CNTNAP2: variants seen among roughly 807,000 people sequenced by gnomAD.
The protein encoded by CNTNAP2 is contactin associated protein 2.
CNTNAP2 carries 98 observed loss-of-function variants against 155.2 expected under a neutral mutation model. That is an observed-to-expected ratio of 0.63 (90% CI 0.54 to 0.75). The LOEUF (loss-of-function observed/expected upper bound fraction) is 0.75, where lower values mean the gene tolerates loss of function less well. Among genes scored for constraint, CNTNAP2 ranks in the 30% least tolerant of loss-of-function variants. The pLI is 0.00. For missense variants in CNTNAP2, 1,727 were observed against 1,688.1 expected (o/e 1.02, Z -0.40); for synonymous variants, 651 against 631.2 (o/e 1.03, Z -0.47).
intron 9 of CNTNAP2, among the ~76,000 whole-genome samples, chr7:147,348,000 C>A (rs1795906113): frequency 6.6e-6 from 1 of 151,912 alleles, no homozygotes; most frequent in Non-Finnish European, 1.5e-5. Flanking sequence ...TGAAACTAGA[C>A]CCCCACCTCA....
intron 2 of CNTNAP2, among the ~76,000 whole-genome samples, chr7:146,815,281 A>C (rs891401945): frequency 3.3e-5 from 5 of 152,194 alleles, no homozygotes; most frequent in Non-Finnish European, 7.4e-5. Flanking sequence ...ATAATCATAA[A>C]TCTAATATAT....
intron 14 of CNTNAP2, among the ~76,000 whole-genome samples, chr7:147,933,494 GAGATAGAT>G (rs71183037): frequency 0.045 from 5,484 of 120,686 alleles, 111 homozygotes; most frequent in African/African-American, 0.064. Flanking sequence ...CAGAAAATGT[GAGATAGAT>G]AGATAGATAG....
At chr7:146,235,204 C>A (rs1323956601) in intron 1 of CNTNAP2, among the ~76,000 whole-genome samples, 1 of 151,190 alleles carries the variant, frequency 6.6e-6, no homozygotes, top group Non-Finnish European at 1.5e-5. Context: ...GATAGTTTCA[C>A]TTATTTTTCC....
At chr7:147,272,138 C>G (rs535648988) in intron 8 of CNTNAP2, among the ~76,000 whole-genome samples, 112 of 152,234 alleles carry the variant, frequency 7.4e-4, no homozygotes, top group Middle Eastern at 3.4e-3. Flanking sequence ...GGTAATCTGC[C>G]TGCCTTGGCC....
intron 1 of CNTNAP2, among the ~76,000 whole-genome samples, chr7:146,183,592 A>C (rs1477686317): frequency 6.8e-6 from 1 of 146,930 alleles, no homozygotes; most frequent in East Asian, 2.0e-4. Flanking sequence ...CATCAGGAGA[A>C]TTTATCACCA....
At chr7:148,344,691 G>T (rs1280592221) in intron 21 of CNTNAP2, among the ~76,000 whole-genome samples, 1 of 152,206 alleles carries the variant, frequency 6.6e-6, no homozygotes, top group Non-Finnish European at 1.5e-5. Flanking sequence ...ATGATAGAAA[G>T]TGAGGAGGCA....
At chr7:146,760,579 C>G (rs1435370979) in intron 1 of CNTNAP2, among the ~76,000 whole-genome samples, 2 of 151,742 alleles carry the variant, frequency 1.3e-5, no homozygotes, top group African/African-American at 4.8e-5. Flanking sequence ...CACACACCAT[C>G]ACGCCTGGCT....
intron 12 of CNTNAP2, among the ~76,000 whole-genome samples, chr7:147,626,523 G>A (rs1794980887): frequency 6.6e-6 from 1 of 152,132 alleles, no homozygotes; most frequent in Non-Finnish European, 1.5e-5. Flanking sequence ...GCCCTGACCT[G>A]ATAGGATTTC....
intron 1 of CNTNAP2, among the ~76,000 whole-genome samples, chr7:146,756,968 A>G (rs994198953): frequency 1.3e-5 from 2 of 152,146 alleles, no homozygotes; most frequent in African/African-American, 4.8e-5. Context: ...CCACAGTTCA[A>G]TAACTCAGAA....
intron 13 of CNTNAP2, among the ~76,000 whole-genome samples, chr7:147,809,068 T>C (rs1270504448): frequency 1.3e-5 from 2 of 152,130 alleles, no homozygotes; most frequent in Non-Finnish European, 2.9e-5. Flanking sequence ...ATTCAGTGAT[T>C]AGTGACAACA....
intron 1 of CNTNAP2, among the ~76,000 whole-genome samples, chr7:146,138,818 A>G (rs73736899): frequency 0.038 from 5,805 of 152,204 alleles, 386 homozygotes; most frequent in African/African-American, 0.13. Context: ...CACATTTGTA[A>G]ATGGCTTACA....
chr7:146,378,106 A>G (rs1232378792), intron 1 of CNTNAP2, among the ~76,000 whole-genome samples: 2 of 152,324 alleles, frequency 1.3e-5, no homozygotes, highest in East Asian at 3.9e-4. Flanking sequence ...ACATCAGACC[A>G]GCTCAGTGCT....
At chr7:146,599,559 A>C (rs1047290187) in intron 1 of CNTNAP2, among the ~76,000 whole-genome samples, 1 of 151,842 alleles carries the variant, frequency 6.6e-6, no homozygotes, top group Non-Finnish European at 1.5e-5. Flanking sequence ...ATCATCTTAT[A>C]GATAAAAATC....
chr7:146,470,042 T>C (rs1796773529), intron 1 of CNTNAP2, among the ~76,000 whole-genome samples: 1 of 151,684 alleles, frequency 6.6e-6, no homozygotes, highest in South Asian at 2.1e-4. Flanking sequence ...GGTTTCACCG[T>C]GTTAGCCAGG....
At chr7:147,169,494 A>G (rs182183673) in intron 8 of CNTNAP2, among the ~76,000 whole-genome samples, 287 of 152,224 alleles carry the variant, frequency 1.9e-3, no homozygotes, top group African/African-American at 6.6e-3. Flanking sequence ...ATGTGTGTCC[A>G]ATGTTTAGCT....
At chr7:147,682,251 T>C (rs535374695) in intron 13 of CNTNAP2, among the ~76,000 whole-genome samples, 1 of 151,968 alleles carries the variant, frequency 6.6e-6, no homozygotes, top group South Asian at 2.1e-4. Flanking sequence ...TTAATTTCCT[T>C]ATGCATTTAA....
chr7:147,609,399 C>T (rs578125982), intron 12 of CNTNAP2, among the ~76,000 whole-genome samples: 11 of 152,100 alleles, frequency 7.2e-5, no homozygotes, highest in South Asian at 4.2e-4. Flanking sequence ...GGCATGGTGG[C>T]GGGTGCCTGT....
intron 1 of CNTNAP2, among the ~76,000 whole-genome samples, chr7:146,572,264 C>CTTTTTTTT (rs71165015): frequency 4.0e-5 from 5 of 126,202 alleles, no homozygotes; most frequent in African/African-American, 5.8e-5. Flanking sequence ...TTTCTGTTGT[C>CTTTTTTTT]TTTTTTTTTT....
chr7:146,434,343 A>G (rs907160615), intron 1 of CNTNAP2, among the ~76,000 whole-genome samples: 2 of 152,184 alleles, frequency 1.3e-5, no homozygotes, highest in African/African-American at 4.8e-5. Context: ...TGGCTAAAGC[A>G]TTAATGGTGC....
Sources: allele counts gnomAD v4.1 joint callset (sites outside exome capture counted in the v4.1 genomes callset), GRCh38; gene constraint gnomAD v4.1.1; transcripts MANE v1.5; gene names NCBI Gene and HGNC (gene_info 2026-07-23, HGNC 2026-07-21).